EML6: variants seen among roughly 807,000 people sequenced by gnomAD.
EML6 encodes the protein echinoderm microtubule-associated protein-like 6.
Under a neutral mutation model 240.1 loss-of-function variants are expected in EML6, and 154 were observed. The ratio of observed to expected loss-of-function variants is 0.64; its 90% CI spans 0.56 to 0.73. EML6 has a LOEUF of 0.73. Ranked by LOEUF, EML6 falls within the 30% of genes least tolerant of loss-of-function variation. The probability of loss-of-function intolerance (pLI) is 0.00; values close to 1 mark genes in which losing one functional copy is unlikely to be tolerated. For synonymous variants in EML6, 1,148 were observed against 899.0 expected (o/e 1.28, Z -4.95); for missense variants, 2,964 against 2,474.6 (o/e 1.20, Z -4.20).
intron 32 of EML6, among the ~76,000 whole-genome samples, chr2:54,956,018 C>CGTGTGTGT (rs35863783): frequency 6.7e-6 from 1 of 150,190 alleles, no homozygotes; most frequent in Non-Finnish European, 1.5e-5. Context: ...TTTTGGGGAA[C>CGTGTGTGT]GTGTGTGTGT....
At chr2:54,933,275 C>T (rs929683566) in intron 28 of EML6, among the ~76,000 whole-genome samples, 2 of 152,122 alleles carry the variant, frequency 1.3e-5, no homozygotes, top group South Asian at 4.2e-4. Flanking sequence ...TGACTCTTAC[C>T]TTGGAAATAG....
intron 11 of EML6, 84 bp from the exon 12 acceptor site, chr2:54,859,440 ATTTTACTCTT>A: frequency 1.1e-6 from 1 of 950,062 alleles, no homozygotes; most frequent in Non-Finnish European, 1.6e-6. Flanking sequence ...ATATTTAAAG[ATTTTACTCTT>A]CAACATGAAC....
chr2:54,941,375 A>G (rs1296713350), intron 28 of EML6, among the ~76,000 whole-genome samples: 1 of 152,196 alleles, frequency 6.6e-6, no homozygotes, highest in Non-Finnish European at 1.5e-5. Context: ...CGCCTGAGGC[A>G]TGATGAGCAT....
intron 2 of EML6, among the ~76,000 whole-genome samples, chr2:54,784,339 T>C (rs1011930790): frequency 2.0e-5 from 3 of 152,230 alleles, no homozygotes; most frequent in Non-Finnish European, 4.4e-5. Context: ...ACTTTTTTGC[T>C]ATATTAGAAT....
intron 2 of EML6, among the ~76,000 whole-genome samples, chr2:54,746,539 GAA>G (rs1683918763): frequency 6.6e-6 from 1 of 152,130 alleles, no homozygotes; most frequent in Non-Finnish European, 1.5e-5. Flanking sequence ...GAGAGAAAAA[GAA>G]AAGAGTGTTG....
At chr2:54,940,820 C>A (rs1675391941) in intron 28 of EML6, among the ~76,000 whole-genome samples, 1 of 152,170 alleles carries the variant, frequency 6.6e-6, no homozygotes, top group South Asian at 2.1e-4. Context: ...TAGTATCTGT[C>A]CTTCAGGAAT....
chr2:54,792,704 TAAA>T (rs999866456), intron 2 of EML6, among the ~76,000 whole-genome samples: 2 of 152,208 alleles, frequency 1.3e-5, no homozygotes, highest in Admixed American at 6.5e-5. Flanking sequence ...AAAATACTGC[TAAA>T]AAAGTTTATT....
chr2:54,918,453 A>G (rs1318193289), intron 26 of EML6, among the ~76,000 whole-genome samples: 2 of 152,168 alleles, frequency 1.3e-5, no homozygotes, highest in Admixed American at 6.5e-5. Context: ...GACTCAAGCA[A>G]TCAATCCACC....
At chr2:54,874,719 G>A (rs79649980) in intron 16 of EML6, among the ~76,000 whole-genome samples, 1 of 152,158 alleles carries the variant, frequency 6.6e-6, no homozygotes, top group Non-Finnish European at 1.5e-5. Context: ...GGGGGTTGGG[G>A]TGAGGGTGTG....
intron 18 of EML6, 44 bp downstream of exon 18, chr2:54,891,198 C>T (rs1277748654): frequency 2.1e-6 from 2 of 952,796 alleles, no homozygotes; most frequent in East Asian, 2.9e-5. Context: ...GAGAGCTTTA[C>T]CCTAGCTGGA....
chr2:54,857,455 C>A (rs1670446425), intron 11 of EML6, among the ~76,000 whole-genome samples: 1 of 152,186 alleles, frequency 6.6e-6, no homozygotes, highest in South Asian at 2.1e-4. Flanking sequence ...TCGTTAAATG[C>A]TGTCCTACGG....
intron 2 of EML6, among the ~76,000 whole-genome samples, chr2:54,761,839 G>C (rs566525600): frequency 2.6e-4 from 40 of 151,620 alleles, no homozygotes; most frequent in African/African-American, 9.0e-4. Context: ...TCTCTTTATA[G>C]ATACGCATTA....
At chr2:54,952,395 C>T (rs1676026905) in intron 30 of EML6, among the ~76,000 whole-genome samples, 199 bp from the exon 31 acceptor site, 1 of 152,172 alleles carries the variant, frequency 6.6e-6, no homozygotes, top group African/African-American at 2.4e-5. Flanking sequence ...CTCCCCTTCT[C>T]CCAGACCCAA....
At chr2:54,827,379 T>C (rs1159702085) in intron 5 of EML6, among the ~76,000 whole-genome samples, 187 bp from the exon 6 acceptor site, 2 of 152,218 alleles carry the variant, frequency 1.3e-5, no homozygotes, top group Admixed American at 6.5e-5. Context: ...GCTTTTCTTA[T>C]GTTCCTGGTA....
chr2:54,794,183 C>T (rs1329648701), intron 2 of EML6, among the ~76,000 whole-genome samples: 1 of 152,162 alleles, frequency 6.6e-6, no homozygotes, highest in Non-Finnish European at 1.5e-5. Context: ...GCTGGCCCTG[C>T]TGCTTGGTCA....
At chr2:54,903,939 T>C (rs1237248656) in intron 24 of EML6, among the ~76,000 whole-genome samples, 2 of 152,148 alleles carry the variant, frequency 1.3e-5, no homozygotes, top group Admixed American at 1.3e-4. Flanking sequence ...GAGGTAGAAA[T>C]CTACATTCAG....
At position 54,903,172 on chromosome 2, in the gene EML6, A is replaced by T; in HGVS notation, c.3253A>T (p.Ile1085Phe). 1.3e-6 allele frequency: 2 copies of T among 1,552,010 alleles called. No individual in the cohort carries two copies. The highest frequency in any genetic ancestry group is 1.7e-6 in the Non-Finnish European group (2 of 1,147,024). ...CTCTTTCCATCACAGAAAAGAAATG[A>T]TCTCTGATATTAAGTTTTCAAAAGG... Reference protein sequence around the residue: ...MVSFHHRKEMISDIKFSKDTG... With the variant: ...MVSFHHRKEMFSDIKFSKDTG... Residue 1085 changes from isoleucine to phenylalanine, a missense_variant, in exon 23 of 42, where the codon ATC (isoleucine) becomes TTC (phenylalanine). Ile to Phe is a conservative substitution (Grantham distance 21). Coordinates refer to ENST00000356458, the MANE Select transcript of EML6 (RefSeq NM_001039753.4).
At chr2:54,730,094 C>G (rs2104371829) in intron 2 of EML6, among the ~76,000 whole-genome samples, 1 of 151,910 alleles carries the variant, frequency 6.6e-6, no homozygotes. Flanking sequence ...CCAGTTTGTG[C>G]TGTTGCACTC....
At chr2:54,914,929 A>C (rs1162535059) in intron 25 of EML6, among the ~76,000 whole-genome samples, 1 of 152,168 alleles carries the variant, frequency 6.6e-6, no homozygotes, top group Non-Finnish European at 1.5e-5. Context: ...TTGGGAGGCA[A>C]ACTCTCTGGA....
Sources: allele counts gnomAD v4.1 joint callset (sites outside exome capture counted in the v4.1 genomes callset), GRCh38; gene constraint gnomAD v4.1.1; transcripts MANE v1.5; gene names NCBI Gene and HGNC (gene_info 2026-07-23, HGNC 2026-07-21).